TMEM178B: variants seen among roughly 807,000 people sequenced by gnomAD.
The protein encoded by TMEM178B is transmembrane protein 178B.
In TMEM178B, 5 loss-of-function variants were observed where a neutral mutation model predicts 31.0. The ratio of observed to expected loss-of-function variants is 0.16; its 90% CI spans 0.08 to 0.34. TMEM178B has a LOEUF of 0.34. Among genes scored for constraint, TMEM178B ranks in the 10% least tolerant of loss-of-function variants. The probability of loss-of-function intolerance (pLI) is 1.00; values close to 1 mark genes in which losing one functional copy is unlikely to be tolerated. For missense variants in TMEM178B, 275 were observed against 400.3 expected, an observed-to-expected ratio of 0.69 and a Z score of 2.67; for synonymous variants, 164 against 164.0, an observed-to-expected ratio of 1.00 and a Z score of 0.00.
chr7:141,407,061 C>G (rs1800897531), intron 2 of TMEM178B, among the ~76,000 whole-genome samples: 2 of 152,216 alleles, frequency 1.3e-5, no homozygotes, highest in Admixed American at 1.3e-4. Flanking sequence ...ACCACCAGTC[C>G]CATACAGGAA....
chr7:141,272,153 G>A (rs906302065), intron 2 of TMEM178B, among the ~76,000 whole-genome samples: 4 of 152,076 alleles, frequency 2.6e-5, no homozygotes, highest in African/African-American at 9.7e-5. Context: ...TCATGCCTCT[G>A]CTTACCAGTT....
intron 1 of TMEM178B, among the ~76,000 whole-genome samples, chr7:141,168,754 A>C (rs1437239526): frequency 2.0e-5 from 3 of 152,042 alleles, no homozygotes; most frequent in Non-Finnish European, 2.9e-5. Flanking sequence ...TGGGCGACAG[A>C]GGGAGACTCT....
At chr7:141,255,214 G>A (rs747616021) in intron 2 of TMEM178B, among the ~76,000 whole-genome samples, 22 of 152,174 alleles carry the variant, frequency 1.4e-4, no homozygotes, top group Non-Finnish European at 3.2e-4. Context: ...AGGCATCAGA[G>A]GCAGAGCTGG....
At position 141,123,464 on chromosome 7, in the gene TMEM178B, C is replaced by G. The variant is rs144431400; in HGVS notation, c.382+48772C>G. On this transcript the variant is annotated intron_variant, in intron 1 of 3. Coordinates refer to ENST00000565468, the MANE Select transcript of TMEM178B (RefSeq NM_001195278.2). ...ATCCCCTGAAGCTCCTGGAGGAGTT[C>G]ACAGGCTGAAGTGTTTGCATTCATG... 2.2e-4 allele frequency among the ~76,000 whole-genome samples: 33 copies of G among 152,334 alleles called. 1 individual carries two copies. In the East Asian group the frequency reaches 6.0e-3, roughly 28 times the overall value.
At chr7:141,502,476 T>C in the TMEM178B span, among the ~76,000 whole-genome samples, 1 of 152,104 alleles carries the variant, frequency 6.6e-6, no homozygotes, top group African/African-American at 2.4e-5. Flanking sequence ...GGAAGACATA[T>C]AAGAAATACA....
chr7:141,098,115 C>A (rs1376729829), intron 1 of TMEM178B, among the ~76,000 whole-genome samples: 1 of 152,178 alleles, frequency 6.6e-6, no homozygotes. Flanking sequence ...TGATTCATGA[C>A]ATTACCAAAA....
intron 2 of TMEM178B, among the ~76,000 whole-genome samples, chr7:141,432,043 G>T (rs1443453066): frequency 1.3e-5 from 2 of 151,846 alleles, no homozygotes; most frequent in Non-Finnish European, 1.5e-5. Context: ...TGCAAATATG[G>T]GATAGAATAA....
At chr7:141,444,269 C>T (rs1006143575) in intron 3 of TMEM178B, among the ~76,000 whole-genome samples, 2 of 152,184 alleles carry the variant, frequency 1.3e-5, no homozygotes, top group Non-Finnish European at 2.9e-5. Flanking sequence ...TGTCTGCTTT[C>T]ATGAAGGGAT....
In TMEM178B at chr7:141,447,424, T is replaced by C. The variant is rs144591632; in HGVS notation, c.634+9679T>C. Among the ~76,000 whole-genome samples the C allele has an allele frequency of 6.6e-5, 10 of 151,548 alleles. No homozygotes were observed. The East Asian group carries it at 2.0e-3, about 30-fold the overall frequency. On this transcript the variant is annotated intron_variant, in intron 3 of 3. Transcript: ENST00000565468. ...ACTGAGCCTGTTGGGTCTGAAGAAG[T>C]TGAGTGAGAGGATGACCGTGATGGG...
At chr7:141,215,337 A>ATTATTATCATTATTTTT (rs55726735) in intron 2 of TMEM178B, among the ~76,000 whole-genome samples, 1 of 141,488 alleles carries the variant, frequency 7.1e-6, no homozygotes. Flanking sequence ...TATTATTATT[A>ATTATTATCATTATTTTT]TTTTTTGAGA....
At chr7:141,305,316 A>G (rs1018728689) in intron 2 of TMEM178B, among the ~76,000 whole-genome samples, 1 of 152,236 alleles carries the variant, frequency 6.6e-6, no homozygotes, top group Non-Finnish European at 1.5e-5. Context: ...GAGCACTGTT[A>G]TAAGTGCTAT....
At chr7:141,439,835 C>T (rs555860898) in intron 3 of TMEM178B, among the ~76,000 whole-genome samples, 2 of 152,332 alleles carry the variant, frequency 1.3e-5, no homozygotes, top group South Asian at 2.1e-4. Context: ...TCATTCTCCC[C>T]TCTCTTCATG....
chr7:141,447,118 A>G (rs925431308), intron 3 of TMEM178B, among the ~76,000 whole-genome samples: 3 of 152,182 alleles, frequency 2.0e-5, no homozygotes, highest in African/African-American at 7.2e-5. Flanking sequence ...AGAGCAGGAT[A>G]AAGTCCTCAG....
chr7:141,492,447 AGGGC>A, the TMEM178B span, among the ~76,000 whole-genome samples: 2 of 152,202 alleles, frequency 1.3e-5, no homozygotes, highest in Non-Finnish European at 2.9e-5. Flanking sequence ...ACGTTCCACA[AGGGC>A]AGGGACTCTG....
chr7:141,368,244 G>A (rs1225518150), intron 2 of TMEM178B, among the ~76,000 whole-genome samples: 1 of 152,150 alleles, frequency 6.6e-6, no homozygotes, highest in Non-Finnish European at 1.5e-5. Context: ...GCTTGAACCT[G>A]GGGGGTGGAG....
chr7:141,110,317 A>G lies in TMEM178B; in HGVS notation c.382+35625A>G, dbSNP rs547919100. Reference sequence around the variant, plus strand: ...ATTTGTTTGAAGAAATAACTTTTTTAGTAAATAAGTAGCGGAAGTCCAATA... The same window carrying G: ...ATTTGTTTGAAGAAATAACTTTTTTGGTAAATAAGTAGCGGAAGTCCAATA... On this transcript the variant is annotated intron_variant, in intron 1 of 3. Transcript: ENST00000565468. Among the ~76,000 whole-genome samples, 4 of 152,350 alleles carry G rather than the reference A, an allele frequency of 2.6e-5. No individual in the cohort carries two copies. In the South Asian group the frequency reaches 6.2e-4, roughly 24 times the overall value.
chr7:141,347,369 A>G (rs557196896), intron 2 of TMEM178B, among the ~76,000 whole-genome samples: 231 of 152,222 alleles, frequency 1.5e-3, no homozygotes, highest in African/African-American at 5.2e-3. Context: ...TGTAAGATCA[A>G]TCATTCCCTT....
chr7:141,242,833 G>A (rs947560543), intron 2 of TMEM178B, among the ~76,000 whole-genome samples: 6 of 152,094 alleles, frequency 3.9e-5, no homozygotes, highest in South Asian at 2.1e-4. Flanking sequence ...ATGAGCCACC[G>A]TGCCAGGCCC....
At chr7:141,329,232 G>A (rs991011841) in intron 2 of TMEM178B, among the ~76,000 whole-genome samples, 1 of 152,192 alleles carries the variant, frequency 6.6e-6, no homozygotes, top group Non-Finnish European at 1.5e-5. Flanking sequence ...GATGAAATGA[G>A]TGGAGTAATG....
Sources: allele counts gnomAD v4.1 joint callset (sites outside exome capture counted in the v4.1 genomes callset), GRCh38; gene constraint gnomAD v4.1.1; transcripts MANE v1.5; gene names NCBI Gene and HGNC (gene_info 2026-07-23, HGNC 2026-07-21).